PTCD1: variants seen among roughly 807,000 people sequenced by gnomAD.
The protein encoded by PTCD1 is pentatricopeptide repeat-containing protein 1, mitochondrial.
In PTCD1, 50 loss-of-function variants were observed where a neutral mutation model predicts 53.4. The observed-to-expected ratio is 0.94, with a 90% CI of 0.75 to 1.19. The LOEUF (loss-of-function observed/expected upper bound fraction) is 1.19. Ranked by LOEUF, PTCD1 falls within the 50% of genes most tolerant of loss-of-function variation. PTCD1 has a pLI of 0.00. For synonymous variants in PTCD1, 413 were observed against 394.8 expected (o/e 1.05, Z -0.55); for missense variants, 918 against 904.8 (o/e 1.01, Z -0.19).
chr7:99,425,449 C>T lies in PTCD1; in HGVS notation c.1083G>A (p.Gln361=). 1 of 1,613,926 alleles carries T rather than the reference C, an allele frequency of 6.2e-7. No individual in the cohort carries two copies. The highest frequency in any genetic ancestry group is 8.5e-7 in the Non-Finnish European group (1 of 1,179,994). The part of the protein sequence containing the change: ...ATVLQPPVSR[Q]RPRRTAQAKA... Reference sequence around the variant, plus strand: ...TGGCCTGGGCTGTCCTCCTTGGCCGCTGCCTGCTCACTGGGGGCTGAAGCA... The same window carrying T: ...TGGCCTGGGCTGTCCTCCTTGGCCGTTGCCTGCTCACTGGGGGCTGAAGCA... Residue 361 remains glutamine, a synonymous_variant, in exon 6 of 8, where the codon CAG becomes CAA. Coordinates refer to ENST00000292478, the MANE Select transcript of PTCD1 (RefSeq NM_015545.4).
intron 6 of PTCD1, 130 bp from the exon 7 acceptor site, chr7:99,424,087 A>G (rs1411504295): frequency 2.4e-6 from 3 of 1,250,318 alleles, no homozygotes; most frequent in Admixed American, 2.0e-5. Context: ...TGGCAGCAAC[A>G]ATGTGCTGAA....
intron 7 of PTCD1, among the ~76,000 whole-genome samples, chr7:99,422,627 A>C (rs1486360838): frequency 6.6e-6 from 1 of 152,218 alleles, no homozygotes; most frequent in East Asian, 1.9e-4. Flanking sequence ...AGCCTGAAAA[A>C]TCGAGCTGCA....
At position 99,434,897 on chromosome 7, in the gene PTCD1, C is replaced by T. The variant is rs764658301; in HGVS notation, c.346G>A (p.Glu116Lys). ...GGTTCCATTTGCTCATCTCTCCGTT[C>T]CCCAAACCGCAGGTTATGGAACTGG... ...AAQFHNLRFGERRDEQMEPEP... is the reference protein window; with the variant it reads ...AAQFHNLRFGKRRDEQMEPEP... The change falls in exon 2 of 8, where the codon GAA becomes AAA. Residue 116 changes from glutamate to lysine, a missense_variant. Coordinates refer to ENST00000292478, the MANE Select transcript of PTCD1 (RefSeq NM_015545.4). The T allele has an allele frequency of 5.0e-6, 8 of 1,614,232 alleles. No homozygotes were observed. Among genetic ancestry groups the T allele is most frequent in the Non-Finnish European group, 6.8e-6 (8 of 1,180,044 alleles).
At chr7:99,420,296 C>G in intron 7 of PTCD1, 147 bp from the exon 8 acceptor site, 1 of 1,170,596 alleles carries the variant, frequency 8.5e-7, no homozygotes. Flanking sequence ...AAGCTGTGAA[C>G]ACGCACTATG....
At chr7:99,426,177 C>G (rs1280405364) in intron 5 of PTCD1, among the ~76,000 whole-genome samples, 1 of 118,150 alleles carries the variant, frequency 8.5e-6, no homozygotes, top group Non-Finnish European at 1.5e-5. Flanking sequence ...TCCCCACGGT[C>G]TCCCTCTCCC....
intron 7 of PTCD1, among the ~76,000 whole-genome samples, chr7:99,421,067 A>T (rs761805067): frequency 1.4e-4 from 22 of 152,178 alleles, no homozygotes; most frequent in Non-Finnish European, 2.5e-4. Flanking sequence ...GAATATAAAC[A>T]AGTCCACCAT....
At chr7:99,436,638 CAA>C (rs1419609076) in intron 1 of PTCD1, among the ~76,000 whole-genome samples, 1 of 151,908 alleles carries the variant, frequency 6.6e-6, no homozygotes, top group Non-Finnish European at 1.5e-5. Context: ...CAACAACAAA[CAA>C]AAAACTAGGC....
rs182422536 is a variant in PTCD1, at chr7:99,438,615, G to C, written c.-27+77C>G. The C allele has an allele frequency of 6.3e-3, 7,362 of 1,164,074 alleles. 32 individuals carry two copies. The highest frequency in any genetic ancestry group is 6.9e-3 in the Non-Finnish European group (6,453 of 931,146). 72.1% of individuals were successfully genotyped at this position (1,164,074 alleles called of 1,614,324 possible). On this transcript the variant is annotated intron_variant, in intron 1 of 7. Transcript: ENST00000292478. Reference sequence around the variant, plus strand: ...TCAGACGCCCCCGGCTCCAATCCCGGCTCGGGCACTTCCTTCCCCTCTGGC... The same window carrying C: ...TCAGACGCCCCCGGCTCCAATCCCGCCTCGGGCACTTCCTTCCCCTCTGGC...
chr7:99,423,942 G>T lies in PTCD1; in HGVS notation c.1753C>A (p.Pro585Thr). The change falls in exon 7 of 8, where the codon CCC becomes ACC. Residue 585 changes from proline (P) to threonine (T), a missense_variant. By Grantham distance (38) the Pro-to-Thr change is conservative. Coordinates refer to ENST00000292478, the MANE Select transcript of PTCD1 (RefSeq NM_015545.4). ...AGGGCACTGTAGATGTGAGTGTTGG[G>T]GGTCACCTGGGACTTCTAGAACACA... ...LTDMKKSQVT[P>T]NTHIYSALIN... 1 of 1,614,114 alleles carries T rather than the reference G, an allele frequency of 6.2e-7. No individual in the cohort carries two copies. Among genetic ancestry groups the T allele is most frequent in the Non-Finnish European group, 8.5e-7 (1 of 1,180,002 alleles).
chr7:99,424,245 G>A (rs2150949096), intron 6 of PTCD1, among the ~76,000 whole-genome samples: 2 of 152,304 alleles, frequency 1.3e-5, no homozygotes, highest in South Asian at 4.1e-4. Flanking sequence ...CCCTGGGGTG[G>A]GCTTCCTGTG....
rs761198769 is a variant in PTCD1 at position 99,424,862 on chromosome 7, G to A, written c.1670C>T (p.Thr557Ile). The A allele has an allele frequency of 1.4e-5, 22 of 1,614,128 alleles. No individual in the cohort carries two copies. The highest frequency in any genetic ancestry group is 1.3e-5 in the African/African-American group (1 of 74,940). Reference protein sequence around the residue: ...AKRGLVPNLQTFCNLAIGCHR... With the variant: ...AKRGLVPNLQIFCNLAIGCHR... ...GCACCCGATGGCCAGGTTGCAGAAT[G>A]TCTGCAGGTTGGGGACGAGGCCCCT... Residue 557 changes from threonine (T) to isoleucine (I), a missense_variant, in exon 6 of 8, where the codon ACA becomes ATA. Coordinates refer to ENST00000292478, the MANE Select transcript of PTCD1 (RefSeq NM_015545.4).
In PTCD1 at chr7:99,424,881, G is replaced by C; in HGVS notation, c.1651C>G (p.Leu551Val). The change falls in exon 6 of 8, where the codon CTC becomes GTC. Residue 551 changes from leucine to valine, a missense_variant. Physicochemically the swap from Leu to Val is conservative, Grantham distance 32. Coordinates refer to ENST00000292478, the MANE Select transcript of PTCD1 (RefSeq NM_015545.4). The stretch of plus-strand genomic sequence containing the variant: ...CAGAATGTCTGCAGGTTGGGGACGA[G>C]GCCCCTCTTTGCCAGGACCGGCAAC... ...ALLPVLAKRG[L>V]VPNLQTFCNL... The C allele has an allele frequency of 6.2e-7, 1 of 1,614,270 alleles. No homozygotes were observed. The highest frequency in any genetic ancestry group is 8.5e-7 in the Non-Finnish European group (1 of 1,180,048).
Position 99,425,452 on chromosome 7 carries a change from C to A in PTCD1, c.1080G>T (p.Arg360Ser), listed in dbSNP as rs534195381. The change falls in exon 6 of 8, where the codon AGG becomes AGT. Residue 360 changes from arginine (R) to serine (S), a missense_variant. Arg to Ser is a moderately radical substitution (Grantham distance 110). Coordinates refer to ENST00000292478, the MANE Select transcript of PTCD1 (RefSeq NM_015545.4). The part of the protein sequence containing the change: ...EATVLQPPVS[R>S]QRPRRTAQAK... ...CCTGGGCTGTCCTCCTTGGCCGCTG[C>A]CTGCTCACTGGGGGCTGAAGCACAG... 22 of 1,613,742 alleles carry A rather than the reference C, an allele frequency of 1.4e-5. No individual in the cohort carries two copies. The highest frequency in any genetic ancestry group is 1.9e-5 in the Non-Finnish European group (22 of 1,179,992).
intron 5 of PTCD1, among the ~76,000 whole-genome samples, chr7:99,426,158 C>CCACGG (rs1729816999): frequency 6.9e-6 from 1 of 145,592 alleles, no homozygotes; most frequent in African/African-American, 2.6e-5. Context: ...CTCCCTCTCC[C>CCACGG]TCTCCCTCTC....
At chr7:99,435,297 T>C in intron 1 of PTCD1, 29 bp from the exon 2 acceptor site, 3 of 1,598,476 alleles carry the variant, frequency 1.9e-6, no homozygotes, top group Non-Finnish European at 2.5e-6. Flanking sequence ...AATAAGAGAG[T>C]CAACTCAGTT....
intron 5 of PTCD1, among the ~76,000 whole-genome samples, chr7:99,428,118 T>C (rs1056058714): frequency 2.0e-5 from 3 of 149,508 alleles, no homozygotes; most frequent in South Asian, 2.1e-4. Flanking sequence ...AAAAAAAAAA[T>C]TGGCCGGGCG....
Position 99,417,232 on chromosome 7 carries a change from T to C in PTCD1, c.*2735A>G, listed in dbSNP as rs554758613. ...CACGCCCGAGTAATTTTTGTATTTT[T>C]AGTAGAGACGGGGTTTTACCATGTT... On this transcript the variant is annotated 3_prime_UTR_variant, in exon 8 of 8. Coordinates refer to ENST00000292478, the MANE Select transcript of PTCD1 (RefSeq NM_015545.4). The C allele has an allele frequency of 2.3e-5, 12 of 511,032 alleles. No homozygotes were observed. The Admixed American group carries it at 3.4e-4, about 14-fold the overall frequency. The allele number at this position is 511,032 out of a possible 1,614,324, so 31.7% of individuals were successfully genotyped here.
intron 5 of PTCD1, among the ~76,000 whole-genome samples, chr7:99,427,591 C>G (rs1248323971): frequency 1.3e-5 from 2 of 152,134 alleles, no homozygotes; most frequent in Non-Finnish European, 2.9e-5. Context: ...GCCACCACCC[C>G]GTCTGGGAGG....
At position 99,419,721 on chromosome 7, in the gene PTCD1, C is replaced by T. The variant is rs181829188; in HGVS notation, c.*246G>A. The T allele has an allele frequency of 1.8e-4, 132 of 718,416 alleles. No homozygotes were observed. Among genetic ancestry groups the T allele is most frequent in the African/African-American group, 6.8e-4 (38 of 56,166 alleles). 44.5% of individuals were successfully genotyped at this position (718,416 alleles called of 1,614,324 possible). On this transcript the variant is annotated 3_prime_UTR_variant, in exon 8 of 8. Coordinates refer to ENST00000292478, the MANE Select transcript of PTCD1 (RefSeq NM_015545.4). ...CCCCCTTGTGGTGTGTGAGGTGACACACAAAGGTAGCTGGAGCTGGAAGTC... is the reference window on the plus strand; with the variant it reads ...CCCCCTTGTGGTGTGTGAGGTGACATACAAAGGTAGCTGGAGCTGGAAGTC...
Sources: gnomAD v4.1 joint callset for allele counts (sites outside exome capture counted in the v4.1 genomes callset) on GRCh38, gnomAD v4.1.1 for gene constraint, MANE v1.5 for transcripts, NCBI Gene and HGNC (gene_info 2026-07-23, HGNC 2026-07-21) for gene names.